GRIK3: variants seen among roughly 807,000 people sequenced by gnomAD.
GRIK3 encodes the protein glutamate ionotropic receptor kainate type subunit 3.
In GRIK3, 29 loss-of-function variants were observed where a neutral mutation model predicts 102.5. That is an observed-to-expected ratio of 0.28 (90% CI 0.21 to 0.39). The LOEUF is 0.39. Among genes scored for constraint, GRIK3 ranks in the 10% least tolerant of loss-of-function variants. The probability of loss-of-function intolerance (pLI) is 1.00; values close to 1 mark genes in which losing one functional copy is unlikely to be tolerated. For missense variants in GRIK3, 908 were observed against 1,252.4 expected (o/e 0.73, Z 4.15); for synonymous variants, 511 against 504.9 (o/e 1.01, Z -0.16).
At position 36,859,210 on chromosome 1, in the gene GRIK3, G is replaced by A. The variant is rs750803152; in HGVS notation, c.1002C>T (p.Ser334=). The part of the protein sequence containing the change: ...ALLYDAVHIV[S]VCYQRAPQMT... ...TCTGTGGTGCCCGCTGGTAGCACAC[G>A]GACACGATATGGACGGCGTCGTACA... Residue 334 remains serine (S), a synonymous_variant, in exon 7 of 16, where the codon TCC becomes TCT. Coordinates refer to ENST00000373091, the MANE Select transcript of GRIK3 (RefSeq NM_000831.4). 1.1e-5 allele frequency: 17 copies of A among 1,613,642 alleles called. No individual in the cohort carries two copies. Among genetic ancestry groups the A allele is most frequent in the South Asian group, 5.5e-5 (5 of 91,052 alleles).
rs143278008 is a variant in GRIK3 at position 36,974,835 on chromosome 1, T to C, written c.115+59159A>G. ...AAACAAAAAAAAAGGAATGCCATTC[T>C]GATACATGCTACAATATGGATTAAC... On this transcript the variant is annotated intron_variant, in intron 1 of 15. Coordinates refer to ENST00000373091, the MANE Select transcript of GRIK3 (RefSeq NM_000831.4). Among the ~76,000 whole-genome samples, 851 of 151,368 alleles carry C rather than the reference T, an allele frequency of 5.6e-3. 10 individuals carry two copies. Among genetic ancestry groups the C allele is most frequent in the African/African-American group, 0.02 (818 of 41,304 alleles).
intron 1 of GRIK3, among the ~76,000 whole-genome samples, chr1:36,967,944 C>A (rs1379475580): frequency 6.6e-6 from 1 of 152,166 alleles, no homozygotes. Flanking sequence ...TCCTGAAGGA[C>A]CTGGCCCCGG....
chr1:36,957,924 G>C (rs1368851402), intron 1 of GRIK3, among the ~76,000 whole-genome samples: 1 of 65,774 alleles, frequency 1.5e-5, no homozygotes, highest in Non-Finnish European at 2.7e-5. Context: ...CCGTGAGCCT[G>C]TGTGCCCCAT....
chr1:36,879,023 G>A (rs1011279968), intron 3 of GRIK3, among the ~76,000 whole-genome samples: 1 of 152,098 alleles, frequency 6.6e-6, no homozygotes, highest in African/African-American at 2.4e-5. Context: ...ACCAGGCAGC[G>A]GTCAGTGCCC....
intron 10 of GRIK3, among the ~76,000 whole-genome samples, chr1:36,836,676 AGGCAGGG>A (rs1640383012): frequency 6.6e-6 from 1 of 152,196 alleles, no homozygotes; most frequent in Non-Finnish European, 1.5e-5. Context: ...CCCATCTATG[AGGCAGGG>A]AAAACTTCTT....
chr1:36,832,870 C>T (rs530654650), intron 10 of GRIK3, among the ~76,000 whole-genome samples: 3 of 152,320 alleles, frequency 2.0e-5, no homozygotes, highest in East Asian at 1.9e-4. Flanking sequence ...AGGGCCTGAC[C>T]TAGCACAGCC....
Position 36,852,683 on chromosome 1 carries a change from G to A in GRIK3, c.1212+932C>T, listed in dbSNP as rs191784082. Among the ~76,000 whole-genome samples the A allele has an allele frequency of 2.0e-5, 3 of 152,276 alleles. No homozygotes were observed. The South Asian group carries it at 6.2e-4, about 32-fold the overall frequency. Reference sequence around the variant, plus strand: ...GGGCACTGCCGGGGTGGAGAGGACCGAAATCAGAGTCTTGAGCCCCAGAGG... The same window carrying A: ...GGGCACTGCCGGGGTGGAGAGGACCAAAATCAGAGTCTTGAGCCCCAGAGG... On this transcript the variant is annotated intron_variant, in intron 8 of 15. Coordinates refer to ENST00000373091, the MANE Select transcript of GRIK3 (RefSeq NM_000831.4).
intron 1 of GRIK3, among the ~76,000 whole-genome samples, chr1:36,925,034 C>A (rs930483892): frequency 7.2e-5 from 11 of 152,192 alleles, no homozygotes; most frequent in Non-Finnish European, 1.6e-4. Context: ...CTCCTGACAA[C>A]CCAAAATGGT....
chr1:36,852,435 G>A (rs908198022), intron 8 of GRIK3, among the ~76,000 whole-genome samples: 1 of 152,192 alleles, frequency 6.6e-6, no homozygotes, highest in African/African-American at 2.4e-5. Flanking sequence ...GGGGCCATGG[G>A]GTATGTTTCA....
At chr1:36,954,467 G>T (rs190928347) in intron 1 of GRIK3, among the ~76,000 whole-genome samples, 6 of 152,306 alleles carry the variant, frequency 3.9e-5, no homozygotes, top group African/African-American at 1.4e-4. Flanking sequence ...GGAGGCCCCC[G>T]ACCCTGAAGG....
At chr1:36,954,436 G>A (rs1641880070) in intron 1 of GRIK3, among the ~76,000 whole-genome samples, 1 of 152,238 alleles carries the variant, frequency 6.6e-6, no homozygotes. Flanking sequence ...TCATCTGCGG[G>A]AGAAGTGAGA....
intron 1 of GRIK3, among the ~76,000 whole-genome samples, chr1:36,918,664 C>T (rs946886949): frequency 6.6e-6 from 1 of 152,176 alleles, no homozygotes; most frequent in Non-Finnish European, 1.5e-5. Flanking sequence ...GTGTCCTCCC[C>T]CAGACAATGC....
chr1:36,911,930 A>T (rs1250558128), intron 1 of GRIK3, among the ~76,000 whole-genome samples: 1 of 152,078 alleles, frequency 6.6e-6, no homozygotes, highest in Non-Finnish European at 1.5e-5. Context: ...GTCAGTCAGC[A>T]GAGCAATTCC....
intron 10 of GRIK3, among the ~76,000 whole-genome samples, chr1:36,835,639 G>A (rs1020379984): frequency 6.6e-6 from 1 of 152,216 alleles, no homozygotes; most frequent in Non-Finnish European, 1.5e-5. Context: ...CTCCCAGGCT[G>A]AGACATTGCT....
At chr1:36,979,720 C>T (rs1642230770) in intron 1 of GRIK3, among the ~76,000 whole-genome samples, 1 of 152,144 alleles carries the variant, frequency 6.6e-6, no homozygotes, top group South Asian at 2.1e-4. Context: ...GCAGGAGCTG[C>T]AGTTGAAAGG....
intron 1 of GRIK3, among the ~76,000 whole-genome samples, chr1:36,896,896 A>C (rs1641178527): frequency 6.6e-6 from 1 of 152,210 alleles, no homozygotes; most frequent in African/African-American, 2.4e-5. Context: ...TAAAGGAAAA[A>C]AATGCGATCA....
At position 36,866,278 on chromosome 1, in the gene GRIK3, AC is replaced by A. The variant is rs1640783549; in HGVS notation, c.786+3469del. 2.6e-5 allele frequency among the ~76,000 whole-genome samples: 4 copies of A among 152,228 alleles called. No individual in the cohort carries two copies. In the South Asian group the frequency reaches 8.3e-4, roughly 32 times the overall value. On this transcript the variant is annotated intron_variant, in intron 5 of 15. Transcript: ENST00000373091. ...GACCTCAATTACCACACCTGAACCAACATGGTCAGGCATTGTGTGGAATCTG... is the reference window on the plus strand; with the variant it reads ...GACCTCAATTACCACACCTGAACCAAATGGTCAGGCATTGTGTGGAATCTG...
intron 1 of GRIK3, among the ~76,000 whole-genome samples, chr1:36,969,677 A>T (rs1446025297): frequency 6.6e-6 from 1 of 152,246 alleles, no homozygotes; most frequent in Non-Finnish European, 1.5e-5. Flanking sequence ...TTCATTGTAG[A>T]GAGGACACTG....
chr1:36,960,229 G>C (rs549186756), intron 1 of GRIK3, among the ~76,000 whole-genome samples: 2 of 143,644 alleles, frequency 1.4e-5, no homozygotes, highest in East Asian at 4.2e-4. Context: ...TGCCCTGTGA[G>C]CCTGTGACCC....
Sources: gnomAD v4.1 joint callset for allele counts (sites outside exome capture counted in the v4.1 genomes callset) on GRCh38, gnomAD v4.1.1 for gene constraint, MANE v1.5 for transcripts, NCBI Gene and HGNC (gene_info 2026-07-23, HGNC 2026-07-21) for gene names.